The following NKAIN3 variants were observed in gnomAD, a reference collection of about 807,000 sequenced individuals.
NKAIN3 encodes the protein sodium/potassium-transporting ATPase subunit beta-1-interacting protein 3.
NKAIN3 carries 25 observed loss-of-function variants against 30.2 expected under a neutral mutation model. The observed-to-expected ratio is 0.83, with a 90% CI of 0.60 to 1.16. NKAIN3 has a LOEUF of 1.16. Among genes scored for constraint, NKAIN3 ranks in the 50% most tolerant of loss-of-function variants. The pLI is 0.00. For synonymous variants in NKAIN3, 91 were observed against 89.6 expected (o/e 1.02, Z -0.09); for missense variants, 225 against 254.1 (o/e 0.89, Z 0.78).
At chr8:62,384,862 C>T (rs1817378340) in intron 1 of NKAIN3, among the ~76,000 whole-genome samples, 2 of 152,086 alleles carry the variant, frequency 1.3e-5, no homozygotes, top group South Asian at 4.1e-4. Flanking sequence ...TACTGTGGGA[C>T]CTCCTAAATC....
intron 1 of NKAIN3, among the ~76,000 whole-genome samples, chr8:62,506,476 C>CTTTCTTCCTTT (rs71559373): frequency 4.1e-5 from 4 of 98,438 alleles, no homozygotes; most frequent in African/African-American, 1.7e-4. Flanking sequence ...TTCTTTCTTT[C>CTTTCTTCCTTT]TTTTTTTTTT....
intron 1 of NKAIN3, among the ~76,000 whole-genome samples, chr8:62,395,968 A>T (rs1817741360): frequency 6.6e-6 from 1 of 152,230 alleles, no homozygotes; most frequent in African/African-American, 2.4e-5. Context: ...AGTGAGGCTT[A>T]AGTCTCCAGA....
intron 1 of NKAIN3, among the ~76,000 whole-genome samples, chr8:62,304,853 A>G (rs1814173734): frequency 6.6e-6 from 1 of 150,412 alleles, no homozygotes; most frequent in Admixed American, 6.6e-5. Flanking sequence ...AAGCTACTCC[A>G]TACTCAAGTG....
intron 3 of NKAIN3, among the ~76,000 whole-genome samples, chr8:62,650,286 G>A (rs562360078): frequency 2.5e-4 from 38 of 151,958 alleles, no homozygotes; most frequent in African/African-American, 8.9e-4. Context: ...TAGAATTCAG[G>A]TGCTCACTAC....
chr8:62,261,669 C>T (rs935791424), intron 1 of NKAIN3, among the ~76,000 whole-genome samples: 1 of 152,152 alleles, frequency 6.6e-6, no homozygotes, highest in African/African-American at 2.4e-5. Context: ...ATTGTCCCCA[C>T]ATCAAAATAC....
rs547885287 is a variant in NKAIN3, at chr8:62,977,818, A to G, written c.*12411A>G. On this transcript the variant is annotated 3_prime_UTR_variant, in exon 7 of 7. Transcript: ENST00000623646. ...TCTGGTTTTGGGAATTTTCAGCCTTATTGGACTGGTTTTTCCTCATCTTTG... is the reference window on the plus strand; with the variant it reads ...TCTGGTTTTGGGAATTTTCAGCCTTGTTGGACTGGTTTTTCCTCATCTTTG... 49 of 152,156 alleles carry G rather than the reference A, an allele frequency of 3.2e-4. 1 individual carries two copies. The highest frequency in any genetic ancestry group is 1.2e-3 in the African/African-American group (48 of 41,508). The allele number at this position is 152,156 out of a possible 1,614,324, so 9.4% of individuals were successfully genotyped here.
intron 4 of NKAIN3, among the ~76,000 whole-genome samples, chr8:62,793,388 C>T (rs1817760083): frequency 6.6e-6 from 1 of 152,166 alleles, no homozygotes; most frequent in South Asian, 2.1e-4. Flanking sequence ...ACATGGCACC[C>T]CAAGCCCTTC....
At chr8:62,500,692 A>G (rs1017383924) in intron 1 of NKAIN3, among the ~76,000 whole-genome samples, 1 of 152,122 alleles carries the variant, frequency 6.6e-6, no homozygotes, top group Non-Finnish European at 1.5e-5. Context: ...GTGGAGGGCA[A>G]TGGGTTTGGG....
At chr8:62,875,122 C>T (rs143261385) in intron 4 of NKAIN3, among the ~76,000 whole-genome samples, 2 of 152,286 alleles carry the variant, frequency 1.3e-5, no homozygotes, top group South Asian at 2.1e-4. Flanking sequence ...GCAACTTCAA[C>T]AAAGTCTCAG....
chr8:62,764,101 G>T (rs976167060), intron 4 of NKAIN3, among the ~76,000 whole-genome samples: 16 of 152,196 alleles, frequency 1.1e-4, no homozygotes, highest in South Asian at 2.1e-4. Context: ...GCCGACCTTA[G>T]CCATTTGGCT....
intron 1 of NKAIN3, among the ~76,000 whole-genome samples, chr8:62,314,830 A>G (rs973008450): frequency 1.3e-5 from 2 of 152,200 alleles, no homozygotes; most frequent in Non-Finnish European, 2.9e-5. Flanking sequence ...TGTATTTAAT[A>G]CTAGCCAACT....
intron 5 of NKAIN3, among the ~76,000 whole-genome samples, chr8:62,927,650 C>T (rs1378520): frequency 0.54 from 82,665 of 151,846 alleles, 22,838 homozygotes; most frequent in East Asian, 0.71. Flanking sequence ...AATATTCTTA[C>T]GCAGATTAAG....
chr8:62,382,002 A>G (rs1011189081), intron 1 of NKAIN3, among the ~76,000 whole-genome samples: 8 of 152,084 alleles, frequency 5.3e-5, no homozygotes, highest in African/African-American at 1.9e-4. Flanking sequence ...CAGCATTCAG[A>G]TGTGGGCTAG....
chr8:62,863,668 G>A, intron 4 of NKAIN3: 1 of 1,385,578 alleles, frequency 7.2e-7, no homozygotes, highest in Non-Finnish European at 1.0e-6. Context: ...GAACACATTT[G>A]AGCAATTTTA....
intron 4 of NKAIN3, among the ~76,000 whole-genome samples, chr8:62,835,738 G>A (rs761561602): frequency 6.6e-6 from 1 of 152,046 alleles, no homozygotes; most frequent in Non-Finnish European, 1.5e-5. Flanking sequence ...ACACCCTGCT[G>A]GTGGGAATAT....
intron 1 of NKAIN3, among the ~76,000 whole-genome samples, chr8:62,475,763 T>C (rs1443741575): frequency 6.6e-6 from 1 of 152,166 alleles, no homozygotes; most frequent in African/African-American, 2.4e-5. Context: ...TGATGCAGCC[T>C]AGGGGCCCTT....
At chr8:62,717,989 C>A (rs567167126) in intron 3 of NKAIN3, among the ~76,000 whole-genome samples, 1 of 152,284 alleles carries the variant, frequency 6.6e-6, no homozygotes, top group East Asian at 1.9e-4. Flanking sequence ...TTCCATGTGG[C>A]TAGGGAAATT....
At chr8:62,901,936 A>G (rs1006318476) in intron 4 of NKAIN3, among the ~76,000 whole-genome samples, 5 of 152,328 alleles carry the variant, frequency 3.3e-5, no homozygotes, top group African/African-American at 1.2e-4. Flanking sequence ...ATTTGTAAAA[A>G]CATACCCTCA....
At chr8:62,729,041 A>AAAAAAAAAAT (rs1815377286) in intron 3 of NKAIN3, among the ~76,000 whole-genome samples, 1 of 73,252 alleles carries the variant, frequency 1.4e-5, no homozygotes, top group African/African-American at 4.3e-5. Context: ...AAAAAAAAAC[A>AAAAAAAAAAT]AAAAAAAAAA....
Sources: allele counts gnomAD v4.1 joint callset (sites outside exome capture counted in the v4.1 genomes callset), GRCh38; gene constraint gnomAD v4.1.1; transcripts MANE v1.5; gene names NCBI Gene and HGNC (gene_info 2026-07-23, HGNC 2026-07-21).